The following TGFBRAP1 variants were observed in gnomAD, a reference collection of about 807,000 sequenced individuals.
The protein encoded by TGFBRAP1 is transforming growth factor beta receptor associated protein 1.
TGFBRAP1 carries 20 observed loss-of-function variants against 83.2 expected under a neutral mutation model. The ratio of observed to expected loss-of-function variants is 0.24; its 90% CI spans 0.17 to 0.35. The LOEUF is 0.35. Ranked by LOEUF, TGFBRAP1 falls within the 10% of genes least tolerant of loss-of-function variation. The pLI, the probability that TGFBRAP1 is intolerant of heterozygous loss-of-function variation, is 1.00. For missense variants in TGFBRAP1, 950 were observed against 1,099.4 expected (o/e 0.86, Z 1.92); for synonymous variants, 415 against 459.8 (o/e 0.90, Z 1.25).
intron 4 of TGFBRAP1, among the ~76,000 whole-genome samples, chr2:105,289,053 A>G (rs1211478592): frequency 2.0e-5 from 3 of 152,288 alleles, no homozygotes; most frequent in Admixed American, 1.3e-4. Flanking sequence ...GGTGAAACAA[A>G]CTGGAAAGCC....
At chr2:105,315,926 A>G (rs1182178714) in intron 1 of TGFBRAP1, among the ~76,000 whole-genome samples, 1 of 152,178 alleles carries the variant, frequency 6.6e-6, no homozygotes, top group Non-Finnish European at 1.5e-5. Flanking sequence ...TATTCATATT[A>G]CCCAAAAAAA....
At chr2:105,313,723 A>G (rs1447440524) in intron 1 of TGFBRAP1, among the ~76,000 whole-genome samples, 1 of 152,170 alleles carries the variant, frequency 6.6e-6, no homozygotes, top group South Asian at 2.1e-4. Context: ...TAAAAATGCA[A>G]TATGGCTAAG....
chr2:105,315,415 A>C (rs1678823598), intron 1 of TGFBRAP1, among the ~76,000 whole-genome samples: 1 of 152,244 alleles, frequency 6.6e-6, no homozygotes, highest in African/African-American at 2.4e-5. Context: ...TTAAGACATG[A>C]GGATAGACCA....
chr2:105,329,262 G>A (rs767859198), intron 1 of TGFBRAP1, among the ~76,000 whole-genome samples: 5 of 151,848 alleles, frequency 3.3e-5, no homozygotes, highest in Admixed American at 3.3e-4. Flanking sequence ...GGTCTCTCAG[G>A]TCTTCCCTTG....
At chr2:105,318,104 A>T (rs749130037) in intron 1 of TGFBRAP1, among the ~76,000 whole-genome samples, 1 of 151,970 alleles carries the variant, frequency 6.6e-6, no homozygotes, top group Non-Finnish European at 1.5e-5. Context: ...CCATGACTCT[A>T]CTCCTAGGCA....
At chr2:105,315,495 T>A (rs1328291974) in intron 1 of TGFBRAP1, among the ~76,000 whole-genome samples, 1 of 152,198 alleles carries the variant, frequency 6.6e-6, no homozygotes, top group African/African-American at 2.4e-5. Context: ...ATATCCAGAA[T>A]ATAGAAAAAC....
chr2:105,316,450 TGTGTGTGTGTGTGCGCGCGC>T (rs1431294472), intron 1 of TGFBRAP1, among the ~76,000 whole-genome samples: 3 of 76,220 alleles, frequency 3.9e-5, no homozygotes, highest in East Asian at 3.7e-4. Flanking sequence ...TGTGTGTGTG[TGTGTGTGTGTGTGCGCGCGC>T]GCGCGCGCGC....
the TGFBRAP1 span, among the ~76,000 whole-genome samples, chr2:105,253,641 C>A: frequency 2.6e-5 from 4 of 152,188 alleles, no homozygotes; most frequent in African/African-American, 9.6e-5. Flanking sequence ...CACTATGTTG[C>A]CCAGGCTCAT....
At chr2:105,311,127 G>A (rs1367493313) in intron 1 of TGFBRAP1, among the ~76,000 whole-genome samples, 1 of 147,194 alleles carries the variant, frequency 6.8e-6, no homozygotes. Flanking sequence ...TAGAGAAGGG[G>A]AGAGGGAGAG....
chr2:105,275,506 C>T (rs1256058837), intron 8 of TGFBRAP1, 54 bp downstream of exon 8: 19 of 1,594,054 alleles, frequency 1.2e-5, no homozygotes, highest in Non-Finnish European at 1.5e-5. Flanking sequence ...CTTTTGGGGT[C>T]TGTTTTTACC....
intron 1 of TGFBRAP1, among the ~76,000 whole-genome samples, chr2:105,316,450 TGTGTGTGTGTGTGCGCGCGCGC>T (rs1344395286): frequency 1.3e-5 from 1 of 76,222 alleles, no homozygotes; most frequent in Admixed American, 1.5e-4. Context: ...TGTGTGTGTG[TGTGTGTGTGTGTGCGCGCGCGC>T]GCGCGCGCAC....
intron 4 of TGFBRAP1, 29 bp downstream of exon 4, chr2:105,296,327 C>T: frequency 6.2e-7 from 1 of 1,612,418 alleles, no homozygotes. Flanking sequence ...GACTTAGAGG[C>T]ATATTTCTGT....
chr2:105,290,575 CAG>C (rs1256266206), intron 4 of TGFBRAP1, among the ~76,000 whole-genome samples: 44 of 133,446 alleles, frequency 3.3e-4, no homozygotes, highest in Admixed American at 2.4e-3. Flanking sequence ...GAGAGAAAGA[CAG>C]AGAGAGAGAA....
At chr2:105,303,870 A>C (rs933429352) in intron 2 of TGFBRAP1, among the ~76,000 whole-genome samples, 4 of 152,214 alleles carry the variant, frequency 2.6e-5, no homozygotes, top group Admixed American at 1.3e-4. Context: ...TAAAATCCAG[A>C]TTGTGGGACA....
intron 5 of TGFBRAP1, among the ~76,000 whole-genome samples, chr2:105,281,688 C>G (rs948776508): frequency 1.3e-5 from 2 of 152,198 alleles, no homozygotes; most frequent in African/African-American, 4.8e-5. Context: ...ACACCTTCAG[C>G]CTCAAGCATC....
At chr2:105,308,358 G>C in intron 1 of TGFBRAP1, 40 bp from the exon 2 acceptor site, 1 of 1,509,320 alleles carries the variant, frequency 6.6e-7, no homozygotes, top group Non-Finnish European at 8.9e-7. Flanking sequence ...GAGGAACAAG[G>C]AAGAAGCAGA....
chr2:105,304,679 A>G (rs917392962), intron 2 of TGFBRAP1, among the ~76,000 whole-genome samples: 3 of 152,158 alleles, frequency 2.0e-5, no homozygotes, highest in Non-Finnish European at 4.4e-5. Flanking sequence ...GCTACTCGGG[A>G]GGTTAAGGCA....
At chr2:105,321,169 T>A (rs1274354327) in intron 1 of TGFBRAP1, among the ~76,000 whole-genome samples, 3 of 146,830 alleles carry the variant, frequency 2.0e-5, no homozygotes, top group Admixed American at 6.8e-5. Context: ...TATTTATTTA[T>A]TTTTTTTTTT....
intron 2 of TGFBRAP1, among the ~76,000 whole-genome samples, chr2:105,307,244 T>A (rs1678531659): frequency 6.6e-6 from 1 of 152,154 alleles, no homozygotes; most frequent in Non-Finnish European, 1.5e-5. Flanking sequence ...TCTCTCCATA[T>A]AAATTCTCTG....
Sources: allele counts gnomAD v4.1 joint callset (sites outside exome capture counted in the v4.1 genomes callset), GRCh38; gene constraint gnomAD v4.1.1; transcripts MANE v1.5; gene names NCBI Gene and HGNC (gene_info 2026-07-23, HGNC 2026-07-21).